Variants in BICRA observed in about 807,000 individuals in gnomAD.
The protein encoded by BICRA is BRD4-interacting chromatin-remodeling complex-associated protein.
BICRA carries 31 observed loss-of-function variants against 96.9 expected under a neutral mutation model. The observed-to-expected ratio is 0.32, with a 90% confidence interval of 0.24 to 0.43. BICRA has a LOEUF of 0.43. Ranked by LOEUF, BICRA falls within the 20% of genes least tolerant of loss-of-function variation. BICRA has a pLI of 1.00. For missense variants in BICRA, 2,283 were observed against 2,190.3 expected, an observed-to-expected ratio of 1.04 and a Z score of -0.84; for synonymous variants, 1,350 against 1,071.8, an observed-to-expected ratio of 1.26 and a Z score of -5.07.
Position 47,702,241 on chromosome 19 carries a change from C to G in BICRA, c.4509C>G (p.Ser1503Arg). ...ACACGCTCACCGAGCACCTGCAGAG[C>G]GCCATCGACAGCATCCTGAACCTGC... ...QDDTLTEHLQ[S>R]AIDSILNLQQ... Residue 1503 changes from serine (S) to arginine (R), a missense_variant, in exon 15 of 15, where the codon AGC becomes AGG. Ser to Arg is a moderately radical substitution (Grantham distance 110). Coordinates refer to ENST00000594866, the MANE Select transcript of BICRA (RefSeq NM_001394372.1). 1 of 1,599,238 alleles carries G rather than the reference C, an allele frequency of 6.3e-7. No individual in the cohort carries two copies. The highest frequency in any genetic ancestry group is 8.5e-7 in the Non-Finnish European group (1 of 1,177,844).
chr19:47,674,315 G>T (rs1489175721), intron 4 of BICRA, among the ~76,000 whole-genome samples: 1 of 152,176 alleles, frequency 6.6e-6, no homozygotes, highest in Non-Finnish European at 1.5e-5. Flanking sequence ...TCACCAGGTT[G>T]TGTAGGCCTG....
At chr19:47,667,747 C>T (rs1331943933) in intron 1 of BICRA, among the ~76,000 whole-genome samples, 1 of 152,168 alleles carries the variant, frequency 6.6e-6, no homozygotes, top group Non-Finnish European at 1.5e-5. Flanking sequence ...TCTCCTTTTC[C>T]AATCCGAAGC....
At chr19:47,674,826 C>T (rs563631443) in intron 4 of BICRA, among the ~76,000 whole-genome samples, 2 of 152,290 alleles carry the variant, frequency 1.3e-5, no homozygotes, top group Admixed American at 6.5e-5. Context: ...AGGAGGAACC[C>T]GCAGTGCCCT....
At chr19:47,682,501 G>A (rs1973080827) in intron 7 of BICRA, among the ~76,000 whole-genome samples, 1 of 152,168 alleles carries the variant, frequency 6.6e-6, no homozygotes, top group African/African-American at 2.4e-5. Context: ...CTGAACCGTG[G>A]CCTCCTGTTG....
chr19:47,622,912 C>T lies in BICRA; in HGVS notation c.-108+13744C>T, dbSNP rs1021317672. Among the ~76,000 whole-genome samples, 6 of 150,828 alleles carry T rather than the reference C, an allele frequency of 4.0e-5. No individual in the cohort carries two copies. The East Asian group carries it at 9.9e-4, about 25-fold the overall frequency. The stretch of plus-strand genomic sequence containing the variant: ...AATTAGCTGGGCATGGTGGCAGGCA[C>T]CTGTAATCCTAGCTACTCAGGAGGC... On this transcript the variant is annotated intron_variant, in intron 1 of 14. Coordinates refer to ENST00000594866, the MANE Select transcript of BICRA (RefSeq NM_001394372.1).
chr19:47,616,640 A>AC (rs1347557794), intron 1 of BICRA, among the ~76,000 whole-genome samples: 2 of 144,912 alleles, frequency 1.4e-5, no homozygotes, highest in Non-Finnish European at 3.0e-5. Context: ...CTCTGTCTCA[A>AC]AAAAAAAAAA....
intron 1 of BICRA, among the ~76,000 whole-genome samples, chr19:47,669,571 T>C (rs1383882854): frequency 3.3e-5 from 5 of 152,108 alleles, no homozygotes; most frequent in African/African-American, 1.2e-4. Context: ...TACACTATAG[T>C]GTATGTGCTA....
intron 1 of BICRA, among the ~76,000 whole-genome samples, chr19:47,617,980 A>G (rs1042617390): frequency 3.3e-5 from 5 of 152,308 alleles, no homozygotes; most frequent in African/African-American, 1.2e-4. Context: ...GGCCCATTTC[A>G]TAGGTTGGGA....
intron 7 of BICRA, among the ~76,000 whole-genome samples, chr19:47,683,460 C>T (rs1973096860): frequency 6.6e-6 from 1 of 152,146 alleles, no homozygotes; most frequent in Admixed American, 6.6e-5. Context: ...ATTGTAAAAT[C>T]TGGGTTGCTG....
rs545936236 is a variant in BICRA, at chr19:47,698,126, G to A, written c.3249-508G>A. 6.6e-5 allele frequency among the ~76,000 whole-genome samples: 10 copies of A among 152,200 alleles called. No individual in the cohort carries two copies. Among genetic ancestry groups the A allele is most frequent in the Admixed American group, 5.9e-4 (9 of 15,276 alleles). On this transcript the variant is annotated intron_variant, in intron 11 of 14. Coordinates refer to ENST00000594866, the MANE Select transcript of BICRA (RefSeq NM_001394372.1). This position sits in a 1 kb window ranked among gnomAD's most constrained non-coding sequence, Gnocchi z 4.8. Reference sequence around the variant, plus strand: ...AGAGAGGCTGCTGGTTTTTAGCCGAGGGTGGAGTTGGGCCTGCCTGGTGGG... The same window carrying A: ...AGAGAGGCTGCTGGTTTTTAGCCGAAGGTGGAGTTGGGCCTGCCTGGTGGG...
Position 47,698,395 on chromosome 19 carries a change from G to C in BICRA, c.3249-239G>C, listed in dbSNP as rs11667442. 0.31 allele frequency among the ~76,000 whole-genome samples: 47,357 copies of C among 151,994 alleles called. 7,753 individuals carry two copies. Among genetic ancestry groups the C allele is most frequent in the African/African-American group, 0.42 (17,400 of 41,460 alleles). On this transcript the variant is annotated intron_variant, in intron 11 of 14. Transcript: ENST00000594866. The surrounding 1 kb of genome is among the most constrained non-coding windows in gnomAD (Gnocchi z 4.8). ...TGGAGAGGAGTGACTTCACTTCCTC[G>C]ACCTCACCTTCCCTTTCTGTAAAAT...
chr19:47,659,913 C>CTAATT (rs1568561042), intron 1 of BICRA, among the ~76,000 whole-genome samples: 3 of 152,076 alleles, frequency 2.0e-5, no homozygotes, highest in Non-Finnish European at 4.4e-5. Flanking sequence ...GCATACCTGG[C>CTAATT]TAATTTGTAA....
chr19:47,673,646 C>CT, intron 3 of BICRA, 31 bp downstream of exon 3: 1 of 1,538,828 alleles, frequency 6.5e-7, no homozygotes, highest in Non-Finnish European at 9.0e-7. Context: ...CCCCTGCCCT[C>CT]TGTCTCAACC....
chr19:47,695,392 A>G lies in BICRA; in HGVS notation c.3104A>G (p.Asn1035Ser). The change falls in exon 10 of 15, where the codon AAC (asparagine) becomes AGC (serine). Residue 1035 changes from asparagine to serine, a missense_variant. By Grantham distance (46) the Asn-to-Ser change is conservative. Transcript: ENST00000594866. ...TGLPPLLPAE[N>S]KAFASNLPTL... ...CTCCCTCCTCTGCTTCCAGCCGAGA[A>G]CAAGGCTTTTGCCAGCAACCTCCCG... The G allele has an allele frequency of 6.7e-7, 1 of 1,495,330 alleles. No homozygotes were observed. Among genetic ancestry groups the G allele is most frequent in the Non-Finnish European group, 9.1e-7 (1 of 1,104,910 alleles). 92.6% of individuals were successfully genotyped at this position (1,495,330 alleles called of 1,614,324 possible). A position where few individuals can be genotyped will look rare whatever the true frequency, so the allele number is the denominator to read the frequency against.
In BICRA at chr19:47,679,670, T is replaced by C; in HGVS notation, c.500T>C (p.Leu167Pro). The C allele has an allele frequency of 6.6e-7, 1 of 1,516,294 alleles. No homozygotes were observed. Among genetic ancestry groups the C allele is most frequent in the South Asian group, 1.3e-5 (1 of 79,486 alleles). 93.9% of individuals were successfully genotyped at this position (1,516,294 alleles called of 1,614,324 possible). ...QALFPGSTDL[L>P]GLQGPPTVLT... The stretch of plus-strand genomic sequence containing the variant: ...CTCTTCCCAGGCAGCACCGACCTGC[T>C]GGGGCTGCAGGGCCCGCCTACCGTG... Residue 167 changes from leucine (L) to proline (P), a missense_variant, in exon 6 of 15, where the codon CTG becomes CCG. By Grantham distance (98) the Leu-to-Pro change is moderately conservative. Coordinates refer to ENST00000594866, the MANE Select transcript of BICRA (RefSeq NM_001394372.1).
At position 47,701,824 on chromosome 19, in the gene BICRA, C is replaced by T. The variant is rs1973456157; in HGVS notation, c.4092C>T (p.Asp1364=). 17 of 1,527,362 alleles carry T rather than the reference C, an allele frequency of 1.1e-5. No individual in the cohort carries two copies. The highest frequency in any genetic ancestry group is 1.4e-5 in the Non-Finnish European group (16 of 1,141,144). 94.6% of individuals were successfully genotyped at this position (1,527,362 alleles called of 1,614,324 possible). The change falls in exon 15 of 15, where the codon GAC becomes GAT. Residue 1364 remains aspartate, a synonymous_variant. Transcript: ENST00000594866. This position sits in a 1 kb window ranked among gnomAD's most constrained non-coding sequence, Gnocchi z 5.4. ...PPTGQMNGTV[D]HPPPAAPERK... is the part of the protein sequence containing the mutation. ...CGGGCCAGATGAACGGCACGGTGGA[C>T]CACCCGCCGCCTGCCGCCCCCGAGC...
chr19:47,694,602 C>A lies in BICRA; in HGVS notation c.2771C>A (p.Pro924Gln). The change falls in exon 8 of 15, where the codon CCA becomes CAA. Residue 924 changes from proline to glutamine, a missense_variant. By Grantham distance (76) the Pro-to-Gln change is moderately conservative. Coordinates refer to ENST00000594866, the MANE Select transcript of BICRA (RefSeq NM_001394372.1). ...QGPHKSPTPP[P>Q]TLHLVPEPAA... ...CCCCACAAGTCCCCCACTCCCCCTC[C>A]AACCCTCCACCTGGTCCCTGAGCCG... is the stretch of plus-strand genomic sequence containing the variant. 3 of 1,569,572 alleles carry A rather than the reference C, an allele frequency of 1.9e-6. No homozygotes were observed. Among genetic ancestry groups the A allele is most frequent in the African/African-American group, 1.4e-5 (1 of 73,746 alleles).
At chr19:47,623,846 C>CTTT (rs58458331) in intron 1 of BICRA, among the ~76,000 whole-genome samples, 1 of 139,472 alleles carries the variant, frequency 7.2e-6, no homozygotes, top group Non-Finnish European at 1.6e-5. Flanking sequence ...CTCTCTCTCT[C>CTTT]TTTTTTTTTT....
intron 1 of BICRA, among the ~76,000 whole-genome samples, chr19:47,648,676 T>G (rs1180177413): frequency 5.3e-5 from 8 of 149,760 alleles, no homozygotes; most frequent in African/African-American, 7.4e-5. Flanking sequence ...GTTTTTTTTT[T>G]TTGTTTGTTT....
Sources: allele counts gnomAD v4.1 joint callset (sites outside exome capture counted in the v4.1 genomes callset), GRCh38; gene constraint gnomAD v4.1.1; non-coding constraint Gnocchi (gnomAD v3.1); transcripts MANE v1.5; gene names NCBI Gene and HGNC (gene_info 2026-07-23, HGNC 2026-07-21).